Variants in SLC6A19 observed in about 807,000 individuals in gnomAD.
SLC6A19 encodes sodium-dependent neutral amino acid transporter B(0)AT1.
Under a neutral mutation model 68.3 loss-of-function variants are expected in SLC6A19, and 67 were observed. The ratio of observed to expected loss-of-function variants is 0.98; its 90% CI spans 0.81 to 1.20. The LOEUF (loss-of-function observed/expected upper bound fraction) is 1.20, where lower values mean the gene tolerates loss of function less well. Among genes scored for constraint, SLC6A19 ranks in the 50% most tolerant of loss-of-function variants. The pLI, the probability that SLC6A19 is intolerant of heterozygous loss-of-function variation, is 0.00. For missense variants in SLC6A19, 813 were observed against 851.6 expected (o/e 0.95, Z 0.56); for synonymous variants, 392 against 374.9 (o/e 1.05, Z -0.53).
rs1746163614 is a variant in SLC6A19, at chr5:1,214,854, GCCTGGGTAGGGAGGGTGGGC to G, written c.887+797_887+816del. On this transcript the variant is annotated intron_variant, in intron 6 of 11. Transcript: ENST00000304460. This position sits in a 1 kb window ranked among gnomAD's most constrained non-coding sequence, Gnocchi z 7.4. ...AGGGTGGGGCCTAGACTGGACGGGG[GCCTGGGTAGGGAGGGTGGGC>G]CCTGGGTGTGAGGGGCGGGGCTGGG... Among the ~76,000 whole-genome samples the G allele has an allele frequency of 7.1e-6, 1 of 141,454 alleles. No homozygotes were observed. Among genetic ancestry groups the G allele is most frequent in the Non-Finnish European group, 1.5e-5 (1 of 65,166 alleles). The allele number at this position is 141,454 out of a possible 152,430, so 92.8% of individuals were successfully genotyped here.
rs559000558 is a variant in SLC6A19, at chr5:1,212,073, G to A, written c.482-230G>A. Among the ~76,000 whole-genome samples, 1 of 151,538 alleles carries A rather than the reference G, an allele frequency of 6.6e-6. No homozygotes were observed. Among genetic ancestry groups the A allele is most frequent in the East Asian group, 2.0e-4 (1 of 5,086 alleles). Reference sequence around the variant, plus strand: ...TGCATGTGCATGTGTGGGGTGTGCAGGTGCATGGACCAGATGTGCACACGA... The same window carrying A: ...TGCATGTGCATGTGTGGGGTGTGCAAGTGCATGGACCAGATGTGCACACGA... On this transcript the variant is annotated intron_variant, in intron 3 of 11. Transcript: ENST00000304460. The surrounding 1 kb of genome is among the most constrained non-coding windows in gnomAD (Gnocchi z 5.1).
intron 11 of SLC6A19, 120 bp downstream of exon 11, chr5:1,221,433 A>C (rs540482882): frequency 7.8e-7 from 1 of 1,279,878 alleles, no homozygotes; most frequent in East Asian, 2.4e-5. Flanking sequence ...ATGGGCACAC[A>C]CACTCACACT....
At position 1,201,798 on chromosome 5, in the gene SLC6A19, G is replaced by T. The variant is rs745526472; in HGVS notation, c.148G>T (p.Val50Leu). 2 of 1,612,620 alleles carry T rather than the reference G, an allele frequency of 1.2e-6. No individual in the cohort carries two copies. The highest frequency in any genetic ancestry group is 1.7e-5 in the Admixed American group (1 of 60,026). The change falls in exon 1 of 12, where the codon GTG becomes TTG. Residue 50 changes from valine (V) to leucine (L), a missense_variant. Val to Leu is a conservative substitution (Grantham distance 32). Transcript: ENST00000304460. ...CATGCTCACCTGCCTGGGCTTCTGCGTGGGCCTCGGCAACGTGTGGCGCTT... is the reference window on the plus strand; with the variant it reads ...CATGCTCACCTGCCTGGGCTTCTGCTTGGGCCTCGGCAACGTGTGGCGCTT... Reference protein sequence around the residue: ...QYMLTCLGFCVGLGNVWRFPY... With the variant: ...QYMLTCLGFCLGLGNVWRFPY...
Position 1,209,690 on chromosome 5 carries a change from T to C in SLC6A19, c.344-754T>C. On this transcript the variant is annotated intron_variant, in intron 2 of 11. Coordinates refer to ENST00000304460, the MANE Select transcript of SLC6A19 (RefSeq NM_001003841.3). The surrounding 1 kb of genome is among the most constrained non-coding windows in gnomAD (Gnocchi z 5.5). ...CCTTCCCCCCTCTCTCTCATCCTCC[T>C]CCTCTCTCTCTCTCCCTCTCAGTCT... 7.1e-6 allele frequency among the ~76,000 whole-genome samples: 1 copy of C among 140,340 alleles called. No homozygotes were observed. Among genetic ancestry groups the C allele is most frequent in the African/African-American group, 2.7e-5 (1 of 37,200 alleles). 92.1% of individuals were successfully genotyped at this position (140,340 alleles called of 152,430 possible). A position where few individuals can be genotyped will look rare whatever the true frequency, so the allele number is the denominator to read the frequency against.
In SLC6A19 at chr5:1,209,633, C is replaced by A. The variant is rs1415957266; in HGVS notation, c.343+747C>A. ...CCTCTCTCTTCCTCTCTCTCTGTCT[C>A]TGTCATTCTCTCTTTCCCCTCCTAT... On this transcript the variant is annotated intron_variant, in intron 2 of 11. Coordinates refer to ENST00000304460, the MANE Select transcript of SLC6A19 (RefSeq NM_001003841.3). This position sits in a 1 kb window ranked among gnomAD's most constrained non-coding sequence, Gnocchi z 5.5. Among the ~76,000 whole-genome samples, 2 of 151,896 alleles carry A rather than the reference C, an allele frequency of 1.3e-5. No homozygotes were observed. Among genetic ancestry groups the A allele is most frequent in the African/African-American group, 4.8e-5 (2 of 41,336 alleles).
chr5:1,222,763 T>G lies in SLC6A19; in HGVS notation c.*859T>G, dbSNP rs1177629420. On this transcript the variant is annotated 3_prime_UTR_variant, in exon 12 of 12. Coordinates refer to ENST00000304460, the MANE Select transcript of SLC6A19 (RefSeq NM_001003841.3). ...CGTCGCTGGGACACATGCCTGCCAC[T>G]CGGGGCCCAGCTGCCCTCTGTGTTT... 2 of 153,606 alleles carry G rather than the reference T, an allele frequency of 1.3e-5. No individual in the cohort carries two copies. Among genetic ancestry groups the G allele is most frequent in the Non-Finnish European group, 2.9e-5 (2 of 69,058 alleles). The allele number at this position is 153,606 out of a possible 1,614,324, so 9.5% of individuals were successfully genotyped here. A position where few individuals can be genotyped will look rare whatever the true frequency, so the allele number is the denominator to read the frequency against.
At position 1,219,505 on chromosome 5, in the gene SLC6A19, G is replaced by T; in HGVS notation, c.1379G>T (p.Gly460Val). The change falls in exon 10 of 12, where the codon GGC becomes GTC. Residue 460 changes from glycine (G) to valine (V), a missense_variant and splice_region_variant. Physicochemically the swap from Gly to Val is moderately radical, Grantham distance 109 (BLOSUM62 -3). Coordinates refer to ENST00000304460, the MANE Select transcript of SLC6A19 (RefSeq NM_001003841.3). Reference protein sequence around the residue: ...PPKWPKEVLTGLICLGTFLIG... With the variant: ...PPKWPKEVLTVLICLGTFLIG... ...AGCAGCTCTGTCCCCCGGCCTGCAG[G>T]CCTCATCTGCCTGGGGACATTCCTC... The T allele has an allele frequency of 6.2e-7, 1 of 1,611,078 alleles. No individual in the cohort carries two copies. Among genetic ancestry groups the T allele is most frequent in the Non-Finnish European group, 8.5e-7 (1 of 1,179,998 alleles).
At position 1,208,772 on chromosome 5, in the gene SLC6A19, C is replaced by T; in HGVS notation, c.229C>T (p.Leu77=). The T allele has an allele frequency of 6.2e-7, 1 of 1,613,498 alleles. No individual in the cohort carries two copies. Among genetic ancestry groups the T allele is most frequent in the Non-Finnish European group, 8.5e-7 (1 of 1,180,012 alleles). Residue 77 remains leucine, a synonymous_variant, in exon 2 of 12, where the codon CTG becomes TTG. Transcript: ENST00000304460. ...GGAFMIPFLI[L]LVLEGIPLLY... Reference sequence around the variant, plus strand: ...AGCCTTCATGATCCCGTTCCTCATCCTGCTGGTCCTGGAGGGCATCCCCCT... The same window carrying T: ...AGCCTTCATGATCCCGTTCCTCATCTTGCTGGTCCTGGAGGGCATCCCCCT...
In SLC6A19 at chr5:1,213,527, C is replaced by A. The variant is rs202220597; in HGVS notation, c.728C>A (p.Thr243Lys). The A allele has an allele frequency of 2.5e-6, 4 of 1,610,842 alleles. No individual in the cohort carries two copies. The highest frequency in any genetic ancestry group is 2.5e-6 in the Non-Finnish European group (3 of 1,179,352). ...VLTIFLIRGL[T>K]LKGATNGIVF... ...ACCATCTTCCTCATCCGAGGCCTGA[C>A]GCTGAAGGGCGCCACCAATGGCATC... Residue 243 changes from threonine to lysine, a missense_variant, in exon 5 of 12, where the codon ACG (threonine) becomes AAG (lysine). Coordinates refer to ENST00000304460, the MANE Select transcript of SLC6A19 (RefSeq NM_001003841.3).
intron 8 of SLC6A19, among the ~76,000 whole-genome samples, chr5:1,217,993 G>A (rs954148272): frequency 2.5e-5 from 3 of 120,832 alleles, no homozygotes; most frequent in South Asian, 2.7e-4. Context: ...CAGAGTTGGC[G>A]CCTCCATCCT....
rs1198255444 is a variant in SLC6A19, at chr5:1,212,239, G to A, written c.482-64G>A. ...GTGGCTGGCATTTCTTCCAGCTCAG[G>A]GCCTTCCATTCTCCTCCCTTGGGGG... On this transcript the variant is annotated intron_variant, in intron 3 of 11. Coordinates refer to ENST00000304460, the MANE Select transcript of SLC6A19 (RefSeq NM_001003841.3). The surrounding 1 kb of genome is among the most constrained non-coding windows in gnomAD (Gnocchi z 5.1). The A allele has an allele frequency of 8.7e-6, 14 of 1,601,808 alleles. No individual in the cohort carries two copies. Among genetic ancestry groups the A allele is most frequent in the Non-Finnish European group, 1.2e-5 (14 of 1,175,770 alleles).
chr5:1,220,626 G>A (rs1341022322), intron 10 of SLC6A19, among the ~76,000 whole-genome samples: 1 of 152,168 alleles, frequency 6.6e-6, no homozygotes, highest in African/African-American at 2.4e-5. Context: ...CTTCTGCGGG[G>A]ACCATGGGTA....
At chr5:1,221,057 C>G in intron 10 of SLC6A19, 94 bp from the exon 11 acceptor site, 3 of 1,510,112 alleles carry the variant, frequency 2.0e-6, no homozygotes, top group Non-Finnish European at 2.7e-6. Flanking sequence ...CACCTCGCAG[C>G]ACACCATCTG....
chr5:1,219,153 G>T (rs954811101), intron 9 of SLC6A19, 46 bp downstream of exon 9: 2 of 1,555,942 alleles, frequency 1.3e-6, no homozygotes, highest in African/African-American at 2.7e-5. Context: ...GGTGCCACCT[G>T]TGGGATGGCA....
At position 1,208,869 on chromosome 5, in the gene SLC6A19, C is replaced by T. The variant is rs752378013; in HGVS notation, c.326C>T (p.Pro109Leu). ...GSLGVWSSIHPALKGLGLASM... is the reference protein window; with the variant it reads ...GSLGVWSSIHLALKGLGLASM... Reference sequence around the variant, plus strand: ...CTGGGTGTGTGGAGCTCCATCCACCCGGCCCTGAAGGGCCTAGGTGAGTGC... The same window carrying T: ...CTGGGTGTGTGGAGCTCCATCCACCTGGCCCTGAAGGGCCTAGGTGAGTGC... The change falls in exon 2 of 12, where the codon CCG (proline) becomes CTG (leucine). Residue 109 changes from proline (P) to leucine (L), a missense_variant. Physicochemically the swap from Pro to Leu is moderately conservative, Grantham distance 98 (BLOSUM62 -3). Transcript: ENST00000304460. 4.2e-5 allele frequency: 68 copies of T among 1,612,360 alleles called. No homozygotes were observed. In the East Asian group the frequency reaches 6.9e-4, roughly 16 times the overall value.
chr5:1,219,302 C>T (rs979944810), intron 9 of SLC6A19, among the ~76,000 whole-genome samples, 195 bp downstream of exon 9: 5 of 146,464 alleles, frequency 3.4e-5, no homozygotes, highest in Admixed American at 2.0e-4. Context: ...AGCCCCCGGG[C>T]GTGTGAACAG....
At position 1,214,746 on chromosome 5, in the gene SLC6A19, A is replaced by G. The variant is rs1746157351; in HGVS notation, c.887+681A>G. Among the ~76,000 whole-genome samples, 1 of 148,768 alleles carries G rather than the reference A, an allele frequency of 6.7e-6. No homozygotes were observed. The highest frequency in any genetic ancestry group is 3.3e-3 in the Middle Eastern group (1 of 306). On this transcript the variant is annotated intron_variant, in intron 6 of 11. Coordinates refer to ENST00000304460, the MANE Select transcript of SLC6A19 (RefSeq NM_001003841.3). This position sits in a 1 kb window ranked among gnomAD's most constrained non-coding sequence, Gnocchi z 7.4. ...GGGTGAGGGAGGACTCCTAGGGGTCAGGGTGGCCCTCCAGGCTGTGAAGGT... is the reference window on the plus strand; with the variant it reads ...GGGTGAGGGAGGACTCCTAGGGGTCGGGGTGGCCCTCCAGGCTGTGAAGGT...
In SLC6A19 at chr5:1,222,169, G is replaced by A. The variant is rs1390581723; in HGVS notation, c.*265G>A. ...TGTGTATTGTATGTGCATGTGCCATGTGTGCAGATGTGTCATGTTGTGTGT... is the reference window on the plus strand; with the variant it reads ...TGTGTATTGTATGTGCATGTGCCATATGTGCAGATGTGTCATGTTGTGTGT... On this transcript the variant is annotated 3_prime_UTR_variant, in exon 12 of 12. Transcript: ENST00000304460. The A allele has an allele frequency of 1.7e-6, 1 of 597,164 alleles. No homozygotes were observed. Among genetic ancestry groups the A allele is most frequent in the Non-Finnish European group, 3.0e-6 (1 of 334,956 alleles). 37.0% of individuals were successfully genotyped at this position (597,164 alleles called of 1,614,324 possible). A position where few individuals can be genotyped will look rare whatever the true frequency, so the allele number is the denominator to read the frequency against.
intron 10 of SLC6A19, among the ~76,000 whole-genome samples, chr5:1,220,905 C>A (rs967155029): frequency 4.6e-5 from 7 of 152,184 alleles, no homozygotes; most frequent in African/African-American, 7.2e-5. Context: ...CGGGGCACCT[C>A]TGACCATGGG....
Sources: allele counts gnomAD v4.1 joint callset (sites outside exome capture counted in the v4.1 genomes callset), GRCh38; gene constraint gnomAD v4.1.1; non-coding constraint Gnocchi (gnomAD v3.1); transcripts MANE v1.5; gene names NCBI Gene and HGNC (gene_info 2026-07-23, HGNC 2026-07-21).